The following DAB1 variants were observed in gnomAD, a reference collection of about 807,000 sequenced individuals.
The protein encoded by DAB1 is disabled homolog 1.
Under a neutral mutation model 64.6 loss-of-function variants are expected in DAB1, and 15 were observed. The ratio of observed to expected loss-of-function variants is 0.23; its 90% CI spans 0.16 to 0.36. The LOEUF (loss-of-function observed/expected upper bound fraction) is 0.36. Among genes scored for constraint, DAB1 ranks in the 10% least tolerant of loss-of-function variants. The pLI, the probability that DAB1 is intolerant of heterozygous loss-of-function variation, is 1.00. For synonymous variants in DAB1, 235 were observed against 251.9 expected (o/e 0.93, Z 0.64); for missense variants, 596 against 706.7 (o/e 0.84, Z 1.78).
intron 5 of DAB1, among the ~76,000 whole-genome samples, chr1:58,076,895 T>C (rs1397871692): frequency 1.3e-5 from 2 of 152,176 alleles, no homozygotes; most frequent in Non-Finnish European, 2.9e-5. Context: ...GTTCATGGAA[T>C]GAAGCTGGAA....
chr1:58,382,071 GA>G (rs144987221), intron 3 of DAB1, among the ~76,000 whole-genome samples: 92 of 152,334 alleles, frequency 6.0e-4, no homozygotes, highest in African/African-American at 2.2e-3. Context: ...ACCCAACTAA[GA>G]GAGTGTGGAT....
chr1:58,208,955 T>C (rs1658417071), intron 4 of DAB1, among the ~76,000 whole-genome samples: 2 of 151,852 alleles, frequency 1.3e-5, no homozygotes, highest in Non-Finnish European at 2.9e-5. Context: ...TGGACTGGAG[T>C]TAATTAAGAG....
At chr1:58,416,337 C>T (rs1015142261) in intron 3 of DAB1, among the ~76,000 whole-genome samples, 6 of 152,152 alleles carry the variant, frequency 3.9e-5, no homozygotes, top group Non-Finnish European at 7.3e-5. Flanking sequence ...TTTGAACCTA[C>T]GTTTTTCCAT....
At chr1:58,487,920 C>T (rs909888510) in intron 3 of DAB1, among the ~76,000 whole-genome samples, 5 of 152,138 alleles carry the variant, frequency 3.3e-5, no homozygotes, top group Non-Finnish European at 7.4e-5. Flanking sequence ...TCTCCTGATC[C>T]TATTTACATT....
intron 7 of DAB1, among the ~76,000 whole-genome samples, chr1:57,436,728 T>G (rs1429244366): frequency 6.6e-6 from 1 of 152,132 alleles, no homozygotes; most frequent in African/African-American, 2.4e-5. Flanking sequence ...CACCAGAAGG[T>G]AAAGAATTTC....
At chr1:57,747,344 T>G (rs1335488282) in intron 6 of DAB1, among the ~76,000 whole-genome samples, 1 of 152,156 alleles carries the variant, frequency 6.6e-6, no homozygotes, top group Non-Finnish European at 1.5e-5. Flanking sequence ...TTGCATGTAT[T>G]TTATTCTACC....
At chr1:57,146,537 A>G (rs1659153410) in intron 2 of DAB1, among the ~76,000 whole-genome samples, 1 of 148,618 alleles carries the variant, frequency 6.7e-6, no homozygotes, top group Admixed American at 6.7e-5. Context: ...TGTGCAAACT[A>G]AGGCCTTTCT....
chr1:57,719,332 T>C (rs551560622), intron 6 of DAB1, among the ~76,000 whole-genome samples: 2 of 152,290 alleles, frequency 1.3e-5, no homozygotes, highest in East Asian at 3.9e-4. Flanking sequence ...CTGGAGAAAA[T>C]TGAAACAGGG....
chr1:58,529,093 G>C (rs1433937890), intron 1 of DAB1, among the ~76,000 whole-genome samples: 1 of 152,050 alleles, frequency 6.6e-6, no homozygotes, highest in African/African-American at 2.4e-5. Flanking sequence ...CAAAATATGA[G>C]ATCCTACAAC....
intron 7 of DAB1, among the ~76,000 whole-genome samples, chr1:57,649,241 A>G (rs1371295791): frequency 2.0e-5 from 3 of 152,202 alleles, no homozygotes; most frequent in Non-Finnish European, 4.4e-5. Flanking sequence ...TAAGAAAGAG[A>G]GCTAACATAG....
intron 1 of DAB1, among the ~76,000 whole-genome samples, chr1:57,354,930 A>G (rs2100873482): frequency 6.6e-6 from 1 of 152,236 alleles, no homozygotes; most frequent in Middle Eastern, 3.4e-3. Flanking sequence ...AGAAATGTGT[A>G]CAGGCATTTT....
At chr1:58,041,111 A>G (rs12039066) in intron 5 of DAB1, among the ~76,000 whole-genome samples, 69,194 of 151,994 alleles carry the variant, frequency 0.46, 16,001 homozygotes, top group African/African-American at 0.52. Flanking sequence ...TTCCAAACCC[A>G]ACTCCTTCTT....
chr1:58,038,447 C>G (rs779339542), intron 5 of DAB1, among the ~76,000 whole-genome samples: 4 of 151,100 alleles, frequency 2.6e-5, no homozygotes, highest in Non-Finnish European at 4.4e-5. Context: ...GTTCCTGTCA[C>G]ATAATTTCTC....
intron 4 of DAB1, among the ~76,000 whole-genome samples, chr1:58,216,195 A>G (rs955009016): frequency 1.3e-5 from 2 of 150,908 alleles, no homozygotes; most frequent in African/African-American, 4.9e-5. Flanking sequence ...CCACCCCCCA[A>G]CAGGCCTTGG....
intron 7 of DAB1, among the ~76,000 whole-genome samples, chr1:57,519,565 T>A (rs2101376177): frequency 6.6e-6 from 1 of 152,256 alleles, no homozygotes; most frequent in East Asian, 1.9e-4. Context: ...TAACTCCACA[T>A]CAAAGCCCCT....
At chr1:58,100,366 A>C (rs1196863242) in intron 5 of DAB1, among the ~76,000 whole-genome samples, 4 of 152,218 alleles carry the variant, frequency 2.6e-5, no homozygotes, top group Non-Finnish European at 5.9e-5. Flanking sequence ...ATTCATGCAT[A>C]TTGTAGCCTG....
chr1:57,674,364 A>C (rs566801418), intron 6 of DAB1, among the ~76,000 whole-genome samples: 1 of 152,314 alleles, frequency 6.6e-6, no homozygotes, highest in African/African-American at 2.4e-5. Context: ...ACTGACTTAA[A>C]TGATAAGACA....
intron 2 of DAB1, among the ~76,000 whole-genome samples, chr1:57,236,207 T>C (rs1353531516): frequency 6.6e-6 from 1 of 152,188 alleles, no homozygotes; most frequent in Non-Finnish European, 1.5e-5. Context: ...TGCATACCAA[T>C]TTATTCCTTG....
rs375520156 is a variant in DAB1 at position 58,490,397 on chromosome 1, G to C, written n.257+15663C>G. 5.9e-5 allele frequency among the ~76,000 whole-genome samples: 9 copies of C among 151,774 alleles called. No individual in the cohort carries two copies. The East Asian group carries it at 1.2e-3, about 19-fold the overall frequency. On this transcript the variant is annotated intron_variant and non_coding_transcript_variant, in intron 3 of 20. Coordinates refer to the DAB1 transcript ENST00000485760. ...CAAGAAGAGAAGGTTAGAGAAAAAA[G>C]AATAAAAAGAAATGAACAAAGCCTC...
Sources: allele counts gnomAD v4.1 joint callset (sites outside exome capture counted in the v4.1 genomes callset), GRCh38; gene constraint gnomAD v4.1.1; transcripts MANE v1.5; gene names NCBI Gene and HGNC (gene_info 2026-07-23, HGNC 2026-07-21).